The following TRPC5OS variants were observed in gnomAD, a reference collection of about 807,000 sequenced individuals.
The protein encoded by TRPC5OS is TRPC5 opposite strand, also known as putative uncharacterized protein TRPC5OS.
For synonymous variants in TRPC5OS, 30 were observed against 29.3 expected, an observed-to-expected ratio of 1.02 and a Z score of -0.08; for missense variants, 64 against 79.3, an observed-to-expected ratio of 0.81 and a Z score of 0.73.
chrX:111,888,018 C>T (rs959217712), intron 1 of TRPC5OS, among the ~76,000 whole-genome samples: 1 of 111,417 alleles, frequency 9.0e-6, no homozygotes, highest in Non-Finnish European at 1.9e-5. Flanking sequence ...TTAAAATTTA[C>T]AAAGGTGGTA....
intron 1 of TRPC5OS, among the ~76,000 whole-genome samples, chrX:111,892,973 A>G (rs149350986): frequency 0.015 from 1,637 of 111,632 alleles, 25 homozygotes; most frequent in African/African-American, 0.051. Context: ...AACTAATGTA[A>G]TTCTCATAAC....
chrX:111,888,038 C>T (rs1033674271), intron 1 of TRPC5OS, among the ~76,000 whole-genome samples: 8 of 111,431 alleles, frequency 7.2e-5, no homozygotes, highest in Non-Finnish European at 1.1e-4. Context: ...AAGTGAAATA[C>T]TCATTGAGAA....
rs755199615 is a variant in TRPC5OS, at chrX:111,897,072, A to G, written c.-311+577A>G. Among the ~76,000 whole-genome samples, 3 of 112,271 alleles carry G rather than the reference A, an allele frequency of 2.7e-5. No individual in the cohort carries two copies. The East Asian group carries it at 8.4e-4, about 31-fold the overall frequency. On this transcript the variant is annotated intron_variant, in intron 3 of 3. Transcript: ENST00000635763. ...ATTATTAAACATATTCTATAAAATT[A>G]CATTCAGGCTATGTGTATAAGGTGT...
chrX:111,885,557 T>TAAAA (rs77870285), intron 1 of TRPC5OS, among the ~76,000 whole-genome samples: 1 of 106,191 alleles, frequency 9.4e-6, no homozygotes, highest in East Asian at 2.9e-4. Flanking sequence ...TTTTTTTTTT[T>TAAAA]AAAAAAAGAA....
chrX:111,892,049 G>A (rs776102845), intron 1 of TRPC5OS, among the ~76,000 whole-genome samples: 1 of 111,794 alleles, frequency 8.9e-6, no homozygotes, highest in Non-Finnish European at 1.9e-5. Flanking sequence ...ATCTGTAATC[G>A]GTGATCATCT....
In TRPC5OS at chrX:111,876,227, C is replaced by T. The variant is rs958884596; in HGVS notation, c.-592C>T. ...ATTACAGCTCTGATGTTTCTGGTAGCCATCTTTTTCTAATATCTCTGTGAA... is the reference window on the plus strand; with the variant it reads ...ATTACAGCTCTGATGTTTCTGGTAGTCATCTTTTTCTAATATCTCTGTGAA... On this transcript the variant is annotated 5_prime_UTR_variant, in exon 1 of 4. Transcript: ENST00000635763. 2 of 110,656 alleles carry T rather than the reference C, an allele frequency of 1.8e-5. No individual in the cohort carries two copies. The highest frequency in any genetic ancestry group is 6.6e-5 in the African/African-American group (2 of 30,388). 9.1% of individuals were successfully genotyped at this position (110,656 alleles called of 1,213,427 possible).
At chrX:111,890,516 C>T (rs771692256) in intron 1 of TRPC5OS, among the ~76,000 whole-genome samples, 1 of 110,817 alleles carries the variant, frequency 9.0e-6, no homozygotes, top group Non-Finnish European at 1.9e-5. Flanking sequence ...TAAACATCCA[C>T]GGGTTTTAGT....
Position 111,879,527 on chromosome X carries a change from C to T in TRPC5OS, c.-546+3254C>T, listed in dbSNP as rs907409516. On this transcript the variant is annotated intron_variant, in intron 1 of 3. Coordinates refer to ENST00000635763, the MANE Select transcript of TRPC5OS (RefSeq NM_001195578.2). ...CTGCCCTATGGTGAAGTCCAATAAACCAGTCAGCACATCTTTATCAAGTAC... is the reference window on the plus strand; with the variant it reads ...CTGCCCTATGGTGAAGTCCAATAAATCAGTCAGCACATCTTTATCAAGTAC... Among the ~76,000 whole-genome samples, 3 of 112,246 alleles carry T rather than the reference C, an allele frequency of 2.7e-5. No homozygotes were observed. The East Asian group carries it at 8.4e-4, about 31-fold the overall frequency.
intron 1 of TRPC5OS, among the ~76,000 whole-genome samples, chrX:111,876,927 G>T (rs1043744227): frequency 9.0e-6 from 1 of 111,394 alleles, no homozygotes; most frequent in African/African-American, 3.3e-5. Context: ...GTGTCATATT[G>T]TGTAGTCATC....
intron 3 of TRPC5OS, among the ~76,000 whole-genome samples, chrX:111,897,255 G>T (rs751401216): frequency 2.7e-5 from 3 of 111,333 alleles, no homozygotes; most frequent in Non-Finnish European, 3.8e-5. Flanking sequence ...AGAAAAGTGG[G>T]TTTTACAGTC....
rs1327022901 is a variant in TRPC5OS, at chrX:111,902,243, A to G, written c.*58A>G. ...GAAAACTGATCATTTCTCTGTTTTA[A>G]TATATTCTTATTTTCTGTATATTAG... On this transcript the variant is annotated 3_prime_UTR_variant, in exon 4 of 4. Coordinates refer to ENST00000635763, the MANE Select transcript of TRPC5OS (RefSeq NM_001195578.2). 8 of 787,570 alleles carry G rather than the reference A, an allele frequency of 1.0e-5. No homozygotes were observed. In the Admixed American group the frequency reaches 1.3e-4, roughly 12 times the overall value. The allele number at this position is 787,570 out of a possible 1,213,427, so 64.9% of individuals were successfully genotyped here.
rs778809045 is a variant in TRPC5OS at position 111,901,644 on chromosome X, G to A, written c.-206G>A. On this transcript the variant is annotated 5_prime_UTR_variant, in exon 4 of 4. Transcript: ENST00000635763. ...AGAGTACCATACATAAATTCTGTGC[G>A]CGGTTTACCAACATCATCAAAAAGT... 1.6e-4 allele frequency: 53 copies of A among 324,885 alleles called. No individual in the cohort carries two copies. Among genetic ancestry groups the A allele is most frequent in the Non-Finnish European group, 2.5e-4 (47 of 188,705 alleles). 26.8% of individuals were successfully genotyped at this position (324,885 alleles called of 1,213,427 possible).
Position 111,903,584 on chromosome X carries a change from G to A in TRPC5OS, c.*1399G>A, listed in dbSNP as rs1194871771. The A allele has an allele frequency of 1.8e-5, 2 of 112,363 alleles. No homozygotes were observed. The highest frequency in any genetic ancestry group is 5.6e-4 in the East Asian group (2 of 3,566). 9.3% of individuals were successfully genotyped at this position (112,363 alleles called of 1,213,427 possible). A position where few individuals can be genotyped will look rare whatever the true frequency, so the allele number is the denominator to read the frequency against. On this transcript the variant is annotated 3_prime_UTR_variant, in exon 4 of 4. Transcript: ENST00000635763. Reference sequence around the variant, plus strand: ...TAGTTTAGTCCACTGACTGGATATCGCTGATTGAAATCCTGCATCTCCTCC... The same window carrying A: ...TAGTTTAGTCCACTGACTGGATATCACTGATTGAAATCCTGCATCTCCTCC...
intron 1 of TRPC5OS, among the ~76,000 whole-genome samples, chrX:111,876,746 A>T (rs1382165619): frequency 6.3e-5 from 7 of 111,990 alleles, no homozygotes; most frequent in Non-Finnish European, 1.3e-4. Flanking sequence ...AACTGTGGTT[A>T]TCATATACTT....
At chrX:111,895,219 G>A (rs1488320916) in intron 1 of TRPC5OS, among the ~76,000 whole-genome samples, 1 of 111,241 alleles carries the variant, frequency 9.0e-6, no homozygotes, top group Non-Finnish European at 1.9e-5. Flanking sequence ...TTTCATTTTA[G>A]CTCTTCTGGT....
chrX:111,880,004 T>C, intron 1 of TRPC5OS, among the ~76,000 whole-genome samples: 1 of 112,018 alleles, frequency 8.9e-6, no homozygotes, highest in South Asian at 3.8e-4. Flanking sequence ...TTTCTCAGAA[T>C]GACGTGGTAG....
intron 1 of TRPC5OS, among the ~76,000 whole-genome samples, chrX:111,880,926 G>A (rs1924181778): frequency 9.0e-6 from 1 of 111,427 alleles, no homozygotes; most frequent in African/African-American, 3.3e-5. Flanking sequence ...CCTCACAATG[G>A]AACTGATAAC....
At chrX:111,888,402 C>T (rs1298373744) in intron 1 of TRPC5OS, among the ~76,000 whole-genome samples, 2 of 107,139 alleles carry the variant, frequency 1.9e-5, no homozygotes, top group Non-Finnish European at 3.8e-5. Flanking sequence ...TAGCTGGGCG[C>T]GGTGGCTCAT....
intron 1 of TRPC5OS, among the ~76,000 whole-genome samples, chrX:111,878,529 A>G (rs1357865539): frequency 2.7e-5 from 3 of 111,581 alleles, no homozygotes; most frequent in Non-Finnish European, 5.6e-5. Flanking sequence ...CTTGAACACT[A>G]TTGGCTTTGG....
Sources: gnomAD v4.1 joint callset for allele counts (sites outside exome capture counted in the v4.1 genomes callset) on GRCh38, gnomAD v4.1.1 for gene constraint, MANE v1.5 for transcripts, NCBI Gene and HGNC (gene_info 2026-07-23, HGNC 2026-07-21) for gene names.